Variants in SUPT3H observed in about 807,000 individuals in gnomAD.
SUPT3H encodes the protein transcription initiation protein SPT3 homolog.
In SUPT3H, 44 loss-of-function variants were observed where a neutral mutation model predicts 44.3. The observed-to-expected ratio is 0.99, with a 90% CI of 0.78 to 1.28. The LOEUF (loss-of-function observed/expected upper bound fraction) is 1.28. SUPT3H is among the 50% of genes most tolerant of loss of function. SUPT3H has a pLI of 0.00. For synonymous variants in SUPT3H, 124 were observed against 125.6 expected (o/e 0.99, Z 0.09); for missense variants, 380 against 387.1 (o/e 0.98, Z 0.15).
intron 2 of SUPT3H, among the ~76,000 whole-genome samples, chr6:45,222,697 T>C (rs1469743330): frequency 2.0e-5 from 3 of 152,152 alleles, no homozygotes; most frequent in Non-Finnish European, 4.4e-5. Context: ...TCTTGGGCAT[T>C]TATTCCAGAG....
chr6:45,135,627 A>T (rs1804152930), intron 2 of SUPT3H, among the ~76,000 whole-genome samples: 1 of 152,148 alleles, frequency 6.6e-6, no homozygotes, highest in Non-Finnish European at 1.5e-5. Flanking sequence ...CTTTACACAT[A>T]CTAAAACCAT....
chr6:45,081,581 A>C (rs12529990), intron 3 of SUPT3H, among the ~76,000 whole-genome samples: 17,339 of 152,114 alleles, frequency 0.11, 1,376 homozygotes, highest in East Asian at 0.26. Flanking sequence ...ACATTTATCA[A>C]TAAGTCTTTG....
At chr6:45,116,453 A>G (rs995863440) in intron 2 of SUPT3H, among the ~76,000 whole-genome samples, 1 of 152,308 alleles carries the variant, frequency 6.6e-6, no homozygotes, top group African/African-American at 2.4e-5. Context: ...AGGTATATTT[A>G]TATATGTCAT....
At chr6:44,891,473 T>C (rs1211589597) in intron 10 of SUPT3H, among the ~76,000 whole-genome samples, 1 of 152,114 alleles carries the variant, frequency 6.6e-6, no homozygotes, top group Non-Finnish European at 1.5e-5. Flanking sequence ...CTTGAAAATA[T>C]TATGAGTGAA....
intron 2 of SUPT3H, among the ~76,000 whole-genome samples, chr6:45,313,197 C>CA (rs1403758110): frequency 1.3e-5 from 2 of 151,930 alleles, no homozygotes; most frequent in African/African-American, 4.8e-5. Flanking sequence ...TGAAAGAGCA[C>CA]AAACAGACAA....
At chr6:45,090,948 G>C (rs1045530441) in intron 3 of SUPT3H, among the ~76,000 whole-genome samples, 9 of 151,880 alleles carry the variant, frequency 5.9e-5, no homozygotes, top group Admixed American at 2.0e-4. Context: ...AGTGCTCAAG[G>C]AAAAAGATTC....
rs200813841 is a variant in SUPT3H, at chr6:45,030,904, C to T, written c.187-10272G>A. ...GAGGGCAAGGATCTGCTATGAAACT[C>T]GGTTAAAATGTGGCCTCCTCTGTTA... is the stretch of plus-strand genomic sequence containing the variant. On this transcript the variant is annotated intron_variant, in intron 3 of 10. Transcript: ENST00000371459. Among the ~76,000 whole-genome samples the T allele has an allele frequency of 3.5e-4, 54 of 152,228 alleles. No individual in the cohort carries two copies. In the East Asian group the frequency reaches 8.5e-3, roughly 24 times the overall value.
intron 10 of SUPT3H, among the ~76,000 whole-genome samples, chr6:44,906,047 A>C (rs1766002413): frequency 6.6e-6 from 1 of 152,144 alleles, no homozygotes. Flanking sequence ...ATGGGGAGGG[A>C]TAGCATTAGG....
At chr6:45,205,211 A>C (rs778803177) in intron 2 of SUPT3H, among the ~76,000 whole-genome samples, 2 of 152,180 alleles carry the variant, frequency 1.3e-5, no homozygotes, top group Non-Finnish European at 2.9e-5. Context: ...TCAAAAGTAC[A>C]TTGGAATCAT....
At chr6:45,175,546 C>T (rs1584027804) in intron 2 of SUPT3H, among the ~76,000 whole-genome samples, 1 of 152,100 alleles carries the variant, frequency 6.6e-6, no homozygotes, top group South Asian at 2.1e-4. Flanking sequence ...GGACACAAAG[C>T]CTAGCCATAT....
intron 3 of SUPT3H, among the ~76,000 whole-genome samples, chr6:45,057,447 CA>C (rs1791306171): frequency 6.6e-6 from 1 of 151,770 alleles, no homozygotes; most frequent in Non-Finnish European, 1.5e-5. Flanking sequence ...TGTGATGACA[CA>C]AAACCCAACA....
At chr6:44,918,626 A>G (rs1394536952) in intron 10 of SUPT3H, among the ~76,000 whole-genome samples, 1 of 152,220 alleles carries the variant, frequency 6.6e-6, no homozygotes, top group East Asian at 1.9e-4. Context: ...AGGACAGTTC[A>G]GTGGCACCAT....
At chr6:45,336,368 A>C (rs1271839088) in intron 2 of SUPT3H, among the ~76,000 whole-genome samples, 2 of 151,424 alleles carry the variant, frequency 1.3e-5, no homozygotes, top group African/African-American at 2.4e-5. Flanking sequence ...ATAGGACTAG[A>C]GAAAACACAT....
chr6:45,035,033 G>C (rs907080468), intron 3 of SUPT3H, among the ~76,000 whole-genome samples: 2 of 152,168 alleles, frequency 1.3e-5, no homozygotes, highest in African/African-American at 4.8e-5. Flanking sequence ...CAGCATGCTA[G>C]AGGACTTACA....
At chr6:45,180,767 G>A (rs1357738606) in intron 2 of SUPT3H, among the ~76,000 whole-genome samples, 5 of 151,738 alleles carry the variant, frequency 3.3e-5, no homozygotes, top group African/African-American at 9.7e-5. Context: ...TAAAAACCCT[G>A]GAAGAAAACC....
rs570443960 is a variant in SUPT3H at position 44,929,116 on chromosome 6, TCTC to T, written c.912+3534_912+3536del. ...CAATTCAAAGCATTGTTTGTACTCT[TCTC>T]CTTCTTCCCCAGCTAACATGGCTTT... On this transcript the variant is annotated intron_variant, in intron 10 of 10. Coordinates refer to ENST00000371459, the MANE Select transcript of SUPT3H (RefSeq NM_003599.4). Among the ~76,000 whole-genome samples the T allele has an allele frequency of 7.9e-4, 120 of 151,884 alleles. 1 individual carries two copies. The highest frequency in any genetic ancestry group is 6.8e-3 in the Middle Eastern group (2 of 294).
At chr6:44,948,488 C>G (rs1455064054) in intron 9 of SUPT3H, among the ~76,000 whole-genome samples, 2 of 151,926 alleles carry the variant, frequency 1.3e-5, no homozygotes, top group Non-Finnish European at 2.9e-5. Flanking sequence ...TACAATCTAC[C>G]CATCTGACAA....
At chr6:44,843,239 A>T (rs1013219124) in intron 10 of SUPT3H, among the ~76,000 whole-genome samples, 1 of 152,176 alleles carries the variant, frequency 6.6e-6, no homozygotes, top group Admixed American at 6.5e-5. Flanking sequence ...GACAGGCAAG[A>T]ACAATGGTGC....
In SUPT3H at chr6:45,192,484, T is replaced by G. The variant is rs1299412092; in HGVS notation, c.102-86478A>C. ...ATTTTAATTTATTTCAGCTTTAATTTTATGTTTTTAAAGAGTATGTTTATA... is the reference window on the plus strand; with the variant it reads ...ATTTTAATTTATTTCAGCTTTAATTGTATGTTTTTAAAGAGTATGTTTATA... On this transcript the variant is annotated intron_variant, in intron 2 of 10. Transcript: ENST00000371459. Among the ~76,000 whole-genome samples the G allele has an allele frequency of 3.3e-5, 5 of 152,146 alleles. No homozygotes were observed. The South Asian group carries it at 1.0e-3, about 32-fold the overall frequency.
Sources: allele counts gnomAD v4.1 joint callset (sites outside exome capture counted in the v4.1 genomes callset), GRCh38; gene constraint gnomAD v4.1.1; transcripts MANE v1.5; gene names NCBI Gene and HGNC (gene_info 2026-07-23, HGNC 2026-07-21).